PTPRD: variants seen among roughly 807,000 people sequenced by gnomAD.
The protein encoded by PTPRD is protein tyrosine phosphatase receptor type D.
PTPRD carries 34 observed loss-of-function variants against 214.5 expected under a neutral mutation model. The ratio of observed to expected loss-of-function variants is 0.16; its 90% CI spans 0.12 to 0.21. The LOEUF (loss-of-function observed/expected upper bound fraction) is 0.21. Among genes scored for constraint, PTPRD ranks in the 10% least tolerant of loss-of-function variants. The pLI is 1.00. For synonymous variants in PTPRD, 1,128 were observed against 845.7 expected (o/e 1.33, Z -5.79); for missense variants, 2,545 against 2,398.7 (o/e 1.06, Z -1.27).
intron 43 of PTPRD, among the ~76,000 whole-genome samples, chr9:8,338,199 T>G (rs1201378706): frequency 6.6e-6 from 1 of 152,092 alleles, no homozygotes; most frequent in Non-Finnish European, 1.5e-5. Flanking sequence ...AGGCAGGTCT[T>G]TGAACTGACC....
At chr9:10,441,400 G>T (rs149829752) in intron 2 of PTPRD, among the ~76,000 whole-genome samples, 1 of 151,676 alleles carries the variant, frequency 6.6e-6, no homozygotes, top group East Asian at 1.9e-4. Context: ...AAAAGTGCCA[G>T]GTTCTTTCAT....
chr9:9,909,417 T>C (rs2078549690), intron 5 of PTPRD, among the ~76,000 whole-genome samples: 1 of 151,084 alleles, frequency 6.6e-6, no homozygotes, highest in African/African-American at 2.4e-5. Flanking sequence ...GACTTTAAAA[T>C]ATTTACATAT....
chr9:8,673,910 T>G (rs1476337325), intron 12 of PTPRD, among the ~76,000 whole-genome samples: 2 of 152,046 alleles, frequency 1.3e-5, no homozygotes, highest in East Asian at 1.9e-4. Context: ...ACCCACCCAG[T>G]ACATGCCAGT....
intron 3 of PTPRD, among the ~76,000 whole-genome samples, chr9:10,225,710 T>A (rs746606095): frequency 1.3e-5 from 2 of 152,078 alleles, no homozygotes; most frequent in African/African-American, 2.4e-5. Flanking sequence ...GTATTCATAC[T>A]GTGGATACAT....
chr9:9,349,839 T>A (rs1441817281), intron 9 of PTPRD, among the ~76,000 whole-genome samples: 2 of 152,032 alleles, frequency 1.3e-5, no homozygotes, highest in Non-Finnish European at 2.9e-5. Context: ...ATACTAGCAC[T>A]TCTGCAGAAC....
intron 7 of PTPRD, among the ~76,000 whole-genome samples, chr9:9,732,183 T>C (rs1003002330): frequency 5.9e-5 from 9 of 152,016 alleles, no homozygotes; most frequent in African/African-American, 1.9e-4. Flanking sequence ...TGGTGGGGCT[T>C]GTAAAGGGAG....
intron 11 of PTPRD, among the ~76,000 whole-genome samples, chr9:9,013,042 G>A (rs548722012): frequency 3.9e-5 from 6 of 152,170 alleles, no homozygotes; most frequent in East Asian, 1.9e-4. Context: ...AAGAAAAGAC[G>A]TTAAAGGGGG....
intron 10 of PTPRD, among the ~76,000 whole-genome samples, chr9:9,136,560 G>C (rs1422571248): frequency 2.0e-5 from 3 of 152,192 alleles, no homozygotes; most frequent in East Asian, 1.9e-4. Flanking sequence ...CAAGTGAAAT[G>C]ATAATATGTG....
In PTPRD at chr9:8,484,449, T is replaced by G. The variant is rs546154770; in HGVS notation, c.3154-71A>C. The G allele has an allele frequency of 2.0e-6, 3 of 1,475,410 alleles. No individual in the cohort carries two copies. In the Admixed American group the frequency reaches 6.8e-5, roughly 34 times the overall value. The allele number at this position is 1,475,410 out of a possible 1,614,324, so 91.4% of individuals were successfully genotyped here. A position where few individuals can be genotyped will look rare whatever the true frequency, so the allele number is the denominator to read the frequency against. On this transcript the variant is annotated intron_variant, in intron 29 of 45. Transcript: ENST00000381196. ...GCAAAATATATTTTCTAAACCAATG[T>G]GCACTAGCTTTTGGAAAATGTATAT...
At chr9:9,848,157 T>C (rs911541043) in intron 5 of PTPRD, among the ~76,000 whole-genome samples, 2 of 152,194 alleles carry the variant, frequency 1.3e-5, no homozygotes, top group African/African-American at 4.8e-5. Context: ...ATTTTCTGTC[T>C]GATCTTTATA....
At chr9:8,493,175 T>C (rs1217698315) in intron 26 of PTPRD, among the ~76,000 whole-genome samples, 196 bp from the exon 27 acceptor site, 2 of 152,176 alleles carry the variant, frequency 1.3e-5, no homozygotes, top group African/African-American at 4.8e-5. Context: ...TCTTCAGGCA[T>C]CTTGGGAGGT....
At chr9:8,354,899 T>C (rs909499663) in intron 39 of PTPRD, among the ~76,000 whole-genome samples, 1 of 152,232 alleles carries the variant, frequency 6.6e-6, no homozygotes, top group Non-Finnish European at 1.5e-5. Flanking sequence ...TTGTCTTTTA[T>C]TCATGAAACA....
chr9:9,104,038 T>C (rs1380309096), intron 10 of PTPRD, among the ~76,000 whole-genome samples: 2 of 152,094 alleles, frequency 1.3e-5, no homozygotes, highest in Non-Finnish European at 2.9e-5. Context: ...CACACAGTAA[T>C]TTCTGTTTAT....
chr9:8,512,242 C>T (rs1044266771), intron 21 of PTPRD, among the ~76,000 whole-genome samples: 1 of 151,894 alleles, frequency 6.6e-6, no homozygotes, highest in African/African-American at 2.4e-5. Context: ...AAATTCAAAA[C>T]AAAGAGTCTG....
At chr9:9,893,196 C>T (rs1439868535) in intron 5 of PTPRD, among the ~76,000 whole-genome samples, 1 of 151,986 alleles carries the variant, frequency 6.6e-6, no homozygotes, top group Non-Finnish European at 1.5e-5. Flanking sequence ...AGACTAGTGA[C>T]ACTACAAAGC....
intron 14 of PTPRD, among the ~76,000 whole-genome samples, chr9:8,550,806 T>G (rs745451046): frequency 2.0e-5 from 3 of 152,218 alleles, no homozygotes; most frequent in Non-Finnish European, 4.4e-5. Context: ...CCAAGGCAGA[T>G]CCAGTGTTCA....
At chr9:8,880,461 C>G (rs899675372) in intron 11 of PTPRD, among the ~76,000 whole-genome samples, 9 of 152,182 alleles carry the variant, frequency 5.9e-5, no homozygotes, top group Non-Finnish European at 1.3e-4. Flanking sequence ...TCAACTCCTC[C>G]TTACTGATTT....
intron 3 of PTPRD, among the ~76,000 whole-genome samples, chr9:10,231,631 G>A (rs1378971078): frequency 6.6e-6 from 1 of 152,056 alleles, no homozygotes. Context: ...TAACACTTAG[G>A]CAATTTGCCT....
chr9:9,868,563 A>G (rs2064595620), intron 5 of PTPRD, among the ~76,000 whole-genome samples: 1 of 151,986 alleles, frequency 6.6e-6, no homozygotes. Flanking sequence ...ATGTGAATAA[A>G]AAGTAGGGAT....
Sources: gnomAD v4.1 joint callset for allele counts (sites outside exome capture counted in the v4.1 genomes callset) on GRCh38, gnomAD v4.1.1 for gene constraint, MANE v1.5 for transcripts, NCBI Gene and HGNC (gene_info 2026-07-23, HGNC 2026-07-21) for gene names.